PRKCE: variants seen among roughly 807,000 people sequenced by gnomAD.
PRKCE encodes protein kinase C epsilon, also known as protein kinase C epsilon type.
Under a neutral mutation model 85.4 loss-of-function variants are expected in PRKCE, and 16 were observed. The observed-to-expected ratio is 0.19, with a 90% CI of 0.13 to 0.28. PRKCE has a LOEUF of 0.28. Among genes scored for constraint, PRKCE ranks in the 10% least tolerant of loss-of-function variants. The probability of loss-of-function intolerance (pLI) is 1.00; values close to 1 mark genes in which losing one functional copy is unlikely to be tolerated. For synonymous variants in PRKCE, 388 were observed against 371.5 expected (o/e 1.04, Z -0.51); for missense variants, 573 against 975.2 (o/e 0.59, Z 5.49).
At chr2:45,743,976 T>C (rs1477712324) in intron 1 of PRKCE, among the ~76,000 whole-genome samples, 7 of 141,340 alleles carry the variant, frequency 5.0e-5, no homozygotes. Context: ...AAGTAGATTG[T>C]AGATTTGGCC....
intron 10 of PRKCE, among the ~76,000 whole-genome samples, chr2:46,066,546 G>A (rs563275046): frequency 1.3e-5 from 2 of 152,110 alleles, no homozygotes; most frequent in Non-Finnish European, 2.9e-5. Flanking sequence ...AGAACATTTT[G>A]TACAAATACA....
intron 2 of PRKCE, among the ~76,000 whole-genome samples, chr2:45,941,003 T>G (rs1246269561): frequency 7.0e-6 from 1 of 143,178 alleles, no homozygotes; most frequent in African/African-American, 2.6e-5. Flanking sequence ...GAGGTGGAGA[T>G]TGCAGTGAGC....
rs147746151 is a variant in PRKCE at position 45,794,398 on chromosome 2, G to A, written c.349-48602G>A. On this transcript the variant is annotated intron_variant, in intron 1 of 14. Transcript: ENST00000306156. The stretch of plus-strand genomic sequence containing the variant: ...TTTTGAAAATGGCAAATGCATTGAC[G>A]GGGCAGACAGGAAGGAATTACACTC... 4.9e-3 allele frequency among the ~76,000 whole-genome samples: 752 copies of A among 152,250 alleles called. 2 individuals are homozygous for A. Among genetic ancestry groups the A allele is most frequent in the African/African-American group, 0.017 (697 of 41,524 alleles).
At chr2:45,958,804 ATATATATATATATTTTTTTTTTTTTTTTT>A (rs1167321352) in intron 2 of PRKCE, among the ~76,000 whole-genome samples, 2 of 21,386 alleles carry the variant, frequency 9.4e-5, no homozygotes, top group Non-Finnish European at 1.6e-4. Flanking sequence ...ATATATATAT[ATATATATATATATTTTTTTTTTTTTTTTT>A]TTTTTTTTTT....
At chr2:46,109,135 C>A (rs1672016039) in intron 11 of PRKCE, among the ~76,000 whole-genome samples, 1 of 151,908 alleles carries the variant, frequency 6.6e-6, no homozygotes, top group South Asian at 2.1e-4. Flanking sequence ...AATGTGAGTC[C>A]CCCAACTTTC....
intron 1 of PRKCE, among the ~76,000 whole-genome samples, chr2:45,785,679 A>G (rs1686547259): frequency 6.6e-6 from 1 of 152,110 alleles, no homozygotes; most frequent in African/African-American, 2.4e-5. Flanking sequence ...TCACTCAGGC[A>G]TCCTATGTAG....
intron 11 of PRKCE, among the ~76,000 whole-genome samples, chr2:46,114,222 C>T (rs1006928690): frequency 6.6e-6 from 1 of 152,002 alleles, no homozygotes; most frequent in African/African-American, 2.4e-5. Context: ...GTATAAACTT[C>T]GGGGGTATAA....
At chr2:45,963,418 C>T (rs564588363) in intron 2 of PRKCE, among the ~76,000 whole-genome samples, 10 of 152,156 alleles carry the variant, frequency 6.6e-5, no homozygotes, top group African/African-American at 2.4e-4. Context: ...AAGCAACTCT[C>T]CTGCCTCAGC....
intron 1 of PRKCE, among the ~76,000 whole-genome samples, chr2:45,700,173 C>G (rs7570049): frequency 0.49 from 71,905 of 147,902 alleles, 17,926 homozygotes; most frequent in East Asian, 0.62. Flanking sequence ...GAGGCCCTGC[C>G]GGGAGCCAGG....
At chr2:46,015,113 G>C (rs1010710025) in intron 10 of PRKCE, among the ~76,000 whole-genome samples, 1 of 152,136 alleles carries the variant, frequency 6.6e-6, no homozygotes, top group African/African-American at 2.4e-5. Context: ...AAACTTAGGG[G>C]CTTGGTCAGG....
chr2:45,999,997 T>G (rs1013185424), intron 6 of PRKCE, among the ~76,000 whole-genome samples: 11 of 152,346 alleles, frequency 7.2e-5, no homozygotes, highest in African/African-American at 2.6e-4. Context: ...CCATTTGTTC[T>G]TACATGCTGT....
intron 10 of PRKCE, among the ~76,000 whole-genome samples, chr2:46,045,014 T>C (rs909649155): frequency 6.6e-6 from 1 of 152,266 alleles, no homozygotes; most frequent in African/African-American, 2.4e-5. Context: ...AAACCATATA[T>C]GCTATATTCT....
intron 2 of PRKCE, among the ~76,000 whole-genome samples, chr2:45,974,598 C>T (rs1702319019): frequency 1.3e-5 from 2 of 152,192 alleles, no homozygotes; most frequent in South Asian, 2.1e-4. Flanking sequence ...GCATTTGGTC[C>T]TGTTCTCACC....
intron 1 of PRKCE, among the ~76,000 whole-genome samples, chr2:45,691,602 A>C (rs1343961482): frequency 1.3e-5 from 2 of 152,244 alleles, no homozygotes; most frequent in Non-Finnish European, 1.5e-5. Flanking sequence ...AAAGTGCATC[A>C]GTATCAATAT....
In PRKCE at chr2:46,159,284, T is replaced by C. The variant is rs568945419; in HGVS notation, c.1921-322T>C. Among the ~76,000 whole-genome samples, 3 of 152,240 alleles carry C rather than the reference T, an allele frequency of 2.0e-5. No homozygotes were observed. Among genetic ancestry groups the C allele is most frequent in the Admixed American group, 1.3e-4 (2 of 15,290 alleles). ...GCATAATCCCAGCTTGGTCCCTTAC[T>C]AGCTGGGTGACTTTGGCCAAATTAG... On this transcript the variant is annotated intron_variant, in intron 13 of 14. Transcript: ENST00000306156. The surrounding 1 kb of genome is among the most constrained non-coding windows in gnomAD (Gnocchi z 4.1).
At chr2:45,755,509 T>A (rs1573217970) in intron 1 of PRKCE, among the ~76,000 whole-genome samples, 1 of 152,234 alleles carries the variant, frequency 6.6e-6, no homozygotes. Context: ...TGAGAAATGC[T>A]TATTGACTTC....
chr2:46,108,104 G>GT (rs1454496028), intron 11 of PRKCE, among the ~76,000 whole-genome samples: 5 of 151,930 alleles, frequency 3.3e-5, no homozygotes, highest in Non-Finnish European at 7.4e-5. Flanking sequence ...ATTTTTTAGG[G>GT]TTTTTTTGAG....
chr2:46,017,427 A>G (rs960256752), intron 10 of PRKCE, among the ~76,000 whole-genome samples: 6 of 152,232 alleles, frequency 3.9e-5, no homozygotes, highest in African/African-American at 1.4e-4. Context: ...TATCATGTGT[A>G]TAATATCACA....
At chr2:45,886,607 A>G (rs1441157474) in intron 2 of PRKCE, among the ~76,000 whole-genome samples, 5 of 152,224 alleles carry the variant, frequency 3.3e-5, no homozygotes, top group Non-Finnish European at 7.3e-5. Context: ...AATACAGCTG[A>G]CGTGATAACA....
Sources: allele counts gnomAD v4.1 joint callset (sites outside exome capture counted in the v4.1 genomes callset), GRCh38; gene constraint gnomAD v4.1.1; non-coding constraint Gnocchi (gnomAD v3.1); transcripts MANE v1.5; gene names NCBI Gene and HGNC (gene_info 2026-07-23, HGNC 2026-07-21).